Variants in DGKI observed in about 807,000 individuals in gnomAD.
DGKI encodes diacylglycerol kinase iota, also known as DAG kinase iota.
In DGKI, 55 loss-of-function variants were observed where a neutral mutation model predicts 147.5. The ratio of observed to expected loss-of-function variants is 0.37; its 90% CI spans 0.30 to 0.47. The LOEUF is 0.47. Among genes scored for constraint, DGKI ranks in the 20% least tolerant of loss-of-function variants. DGKI has a pLI of 1.00. For synonymous variants in DGKI, 469 were observed against 477.1 expected (o/e 0.98, Z 0.22); for missense variants, 1,007 against 1,323.8 (o/e 0.76, Z 3.71).
chr7:137,743,852 A>C (rs1489815644), intron 1 of DGKI, among the ~76,000 whole-genome samples: 1 of 151,880 alleles, frequency 6.6e-6, no homozygotes, highest in African/African-American at 2.4e-5. Context: ...GCGTGGTGGC[A>C]GGCGCCTGTA....
rs1798610638 is a variant in DGKI at position 137,843,475 on chromosome 7, A to G, written c.401+2987T>C. On this transcript the variant is annotated intron_variant, in intron 1 of 32. Transcript: ENST00000614521. ...AGGGGTGCAGATTCTGAAATAAAGG[A>G]AAAAATTCTCATGGGAAAAATGGTT... 3.1e-6 allele frequency: 3 copies of G among 977,532 alleles called. No homozygotes were observed. The South Asian group carries it at 1.4e-4, about 46-fold the overall frequency. The allele number at this position is 977,532 out of a possible 1,614,324, so 60.6% of individuals were successfully genotyped here.
chr7:137,564,643 T>TTTGTAAGATAA (rs1818522677), intron 19 of DGKI, among the ~76,000 whole-genome samples: 1 of 152,204 alleles, frequency 6.6e-6, no homozygotes, highest in Non-Finnish European at 1.5e-5. Flanking sequence ...TGTAAGGACA[T>TTTGTAAGATAA]AATTGTCTGT....
intron 1 of DGKI, chr7:137,722,693 A>G: frequency 1.3e-6 from 2 of 1,576,444 alleles, no homozygotes; most frequent in East Asian, 2.2e-5. Context: ...TTCGACACAG[A>G]AAAAGAGAAA....
intron 12 of DGKI, among the ~76,000 whole-genome samples, chr7:137,590,138 C>A (rs1819556723): frequency 6.6e-6 from 1 of 152,102 alleles, no homozygotes. Flanking sequence ...TTGCAAATAG[C>A]AGAGGAAGCT....
chr7:137,579,828 G>T (rs922433847), intron 15 of DGKI, among the ~76,000 whole-genome samples: 3 of 152,048 alleles, frequency 2.0e-5, no homozygotes, highest in Admixed American at 2.0e-4. Flanking sequence ...TTAACTAATT[G>T]TTTTATAATC....
At chr7:137,706,477 C>CTTATTTTACT (rs1794027346) in intron 1 of DGKI, among the ~76,000 whole-genome samples, 2 of 147,494 alleles carry the variant, frequency 1.4e-5, no homozygotes, top group Non-Finnish European at 3.0e-5. Context: ...CCAAAACATC[C>CTTATTTTACT]TTATTTTATT....
intron 12 of DGKI, among the ~76,000 whole-genome samples, chr7:137,596,990 A>G (rs1819820263): frequency 6.6e-6 from 1 of 152,252 alleles, no homozygotes; most frequent in Non-Finnish European, 1.5e-5. Flanking sequence ...TCTAAATGTC[A>G]TGATTCTCAA....
chr7:137,734,135 C>T (rs1204399908), intron 1 of DGKI, among the ~76,000 whole-genome samples: 3 of 152,090 alleles, frequency 2.0e-5, no homozygotes, highest in African/African-American at 7.2e-5. Flanking sequence ...TAATTCCCTC[C>T]TCTAACTGTG....
chr7:137,608,918 A>C lies in DGKI; in HGVS notation c.1167+48T>G, dbSNP rs370412443. On this transcript the variant is annotated intron_variant, in intron 10 of 32. Coordinates refer to ENST00000614521, the MANE Select transcript of DGKI (RefSeq NM_001321708.2). ...AATTGGCAGTGAGAGTTGTGTCGTC[A>C]AGAAATTATCAAAACTTCTAAGTTG... The C allele has an allele frequency of 1.0e-5, 15 of 1,455,096 alleles. No homozygotes were observed. In the Admixed American group the frequency reaches 2.5e-4, roughly 25 times the overall value. The allele number at this position is 1,455,096 out of a possible 1,614,324, so 90.1% of individuals were successfully genotyped here. A position where few individuals can be genotyped will look rare whatever the true frequency, so the allele number is the denominator to read the frequency against.
chr7:137,631,407 C>T (rs1359352078), intron 6 of DGKI, among the ~76,000 whole-genome samples: 2 of 152,212 alleles, frequency 1.3e-5, no homozygotes, highest in East Asian at 3.8e-4. Flanking sequence ...GGTTTTACTA[C>T]ATCTACTCTT....
intron 28 of DGKI, among the ~76,000 whole-genome samples, chr7:137,413,191 C>T (rs546152392): frequency 2.1e-5 from 3 of 146,300 alleles, no homozygotes; most frequent in East Asian, 2.0e-4. Flanking sequence ...TGCTTGAATT[C>T]GAGAGGTGGA....
In DGKI at chr7:137,381,583, C is replaced by A. The variant is rs1811062248; in HGVS notation, c.*9637G>T. On this transcript the variant is annotated 3_prime_UTR_variant, in exon 33 of 33. Coordinates refer to ENST00000614521, the MANE Select transcript of DGKI (RefSeq NM_001321708.2). ...TGGGAACGTTTTCCCACTCAGAAAT[C>A]AAATTAAATCAAATATATTCATTCT... 6.6e-6 allele frequency: 1 copy of A among 151,860 alleles called. No homozygotes were observed. The highest frequency in any genetic ancestry group is 1.5e-5 in the Non-Finnish European group (1 of 67,972). The allele number at this position is 151,860 out of a possible 1,614,324, so 9.4% of individuals were successfully genotyped here. A position where few individuals can be genotyped will look rare whatever the true frequency, so the allele number is the denominator to read the frequency against.
chr7:137,573,825 G>T (rs1206616500), intron 17 of DGKI, among the ~76,000 whole-genome samples: 1 of 152,208 alleles, frequency 6.6e-6, no homozygotes, highest in Non-Finnish European at 1.5e-5. Context: ...TGATCTGCTA[G>T]CGCTTTCTGC....
chr7:137,527,502 C>T (rs1237803086), intron 20 of DGKI, among the ~76,000 whole-genome samples: 2 of 151,832 alleles, frequency 1.3e-5, no homozygotes, highest in East Asian at 3.9e-4. Flanking sequence ...TTTTTTTTTA[C>T]TTTTTAAAGA....
At chr7:137,602,753 T>C (rs924959751) in intron 10 of DGKI, among the ~76,000 whole-genome samples, 1 of 152,172 alleles carries the variant, frequency 6.6e-6, no homozygotes, top group Non-Finnish European at 1.5e-5. Flanking sequence ...ATTCATTTCT[T>C]CCTCAATAGT....
intron 20 of DGKI, 76 bp downstream of exon 20, chr7:137,552,293 C>A: frequency 6.6e-7 from 1 of 1,514,202 alleles, no homozygotes; most frequent in Non-Finnish European, 9.1e-7. Context: ...AGTGAGGTCC[C>A]CAGACCATGC....
intron 20 of DGKI, among the ~76,000 whole-genome samples, chr7:137,549,206 T>C (rs1295192506): frequency 2.0e-5 from 3 of 152,160 alleles, no homozygotes; most frequent in Non-Finnish European, 2.9e-5. Flanking sequence ...TTCTAGCATG[T>C]AGTTTGAGGT....
chr7:137,468,073 A>T (rs1048045424), intron 24 of DGKI, among the ~76,000 whole-genome samples: 1 of 152,138 alleles, frequency 6.6e-6, no homozygotes, highest in Non-Finnish European at 1.5e-5. Context: ...TTATAAATAG[A>T]TTTTCTACAA....
At chr7:137,565,496 T>C (rs1019726628) in intron 19 of DGKI, among the ~76,000 whole-genome samples, 8 of 152,212 alleles carry the variant, frequency 5.3e-5, no homozygotes, top group African/African-American at 1.9e-4. Flanking sequence ...CCATGTCCTT[T>C]TTACTCACTG....
Sources: gnomAD v4.1 joint callset for allele counts (sites outside exome capture counted in the v4.1 genomes callset) on GRCh38, gnomAD v4.1.1 for gene constraint, MANE v1.5 for transcripts, NCBI Gene and HGNC (gene_info 2026-07-23, HGNC 2026-07-21) for gene names.